Variants in ZBTB41 observed in about 807,000 individuals in gnomAD.
The protein encoded by ZBTB41 is zinc finger and BTB domain-containing protein 41.
ZBTB41 carries 42 observed loss-of-function variants against 87.6 expected under a neutral mutation model. The observed-to-expected ratio is 0.48, with a 90% CI of 0.37 to 0.62. The LOEUF is 0.62. Among genes scored for constraint, ZBTB41 ranks in the 20% least tolerant of loss-of-function variants. The probability of loss-of-function intolerance (pLI) is 0.00; values close to 1 mark genes in which losing one functional copy is unlikely to be tolerated. For synonymous variants in ZBTB41, 364 were observed against 364.0 expected, an observed-to-expected ratio of 1.00 and a Z score of 0.00; for missense variants, 799 against 1,078.9, an observed-to-expected ratio of 0.74 and a Z score of 3.63.
chr1:197,170,742 T>C (rs1659459432), intron 10 of ZBTB41, among the ~76,000 whole-genome samples: 1 of 152,162 alleles, frequency 6.6e-6, no homozygotes, highest in Non-Finnish European at 1.5e-5. Context: ...GCTTCATCTG[T>C]TTACACATTG....
At position 197,199,679 on chromosome 1, in the gene ZBTB41, G is replaced by A; in HGVS notation, c.795C>T (p.Asp265=). 2 of 1,613,506 alleles carry A rather than the reference G, an allele frequency of 1.2e-6. No homozygotes were observed. Among genetic ancestry groups the A allele is most frequent in the Non-Finnish European group, 8.5e-7 (1 of 1,179,952 alleles). The change falls in exon 2 of 11, where the codon GAC becomes GAT. Residue 265 remains aspartate (D), a synonymous_variant. Transcript: ENST00000367405. ...RNRKCPVKFD[D]TSDDEQESGD... ...CACTTTCCTGTTCATCATCGCTGGT[G>A]TCATCAAACTTAACAGGGCACTTCC...
At position 197,178,627 on chromosome 1, in the gene ZBTB41, CTCTT is replaced by C. The variant is rs1659668911; in HGVS notation, c.1677-119_1677-116del. 11 of 593,490 alleles carry C rather than the reference CTCTT, an allele frequency of 1.9e-5. No individual in the cohort carries two copies. The South Asian group carries it at 3.9e-4, about 21-fold the overall frequency. The allele number at this position is 593,490 out of a possible 1,614,324, so 36.8% of individuals were successfully genotyped here. On this transcript the variant is annotated intron_variant, in intron 6 of 10. Coordinates refer to ENST00000367405, the MANE Select transcript of ZBTB41 (RefSeq NM_194314.3). ...TAACTGATATTATGGCAATTCTCTCCTCTTTCTTACAATAATTTTGTTCTTTTCT... is the reference window on the plus strand; with the variant it reads ...TAACTGATATTATGGCAATTCTCTCCTCTTACAATAATTTTGTTCTTTTCT...
intron 8 of ZBTB41, chr1:197,175,847 T>C (rs926879324): frequency 6.6e-6 from 1 of 151,930 alleles, no homozygotes; most frequent in African/African-American, 2.4e-5. Context: ...CTGCAACCTA[T>C]CTCATTGAGA....
At chr1:197,165,325 C>T (rs996840537) in intron 10 of ZBTB41, among the ~76,000 whole-genome samples, 4 of 151,946 alleles carry the variant, frequency 2.6e-5, no homozygotes, top group East Asian at 3.9e-4. Flanking sequence ...AAATGAGGTA[C>T]GGAGCCAGGC....
intron 2 of ZBTB41, among the ~76,000 whole-genome samples, chr1:197,193,081 T>C (rs1336065796): frequency 6.6e-6 from 1 of 152,178 alleles, no homozygotes. Context: ...GCATATCTGA[T>C]ATGCATATAG....
intron 9 of ZBTB41, among the ~76,000 whole-genome samples, chr1:197,174,611 C>G (rs1659557390): frequency 6.6e-6 from 1 of 152,058 alleles, no homozygotes; most frequent in African/African-American, 2.4e-5. Flanking sequence ...TTCAAGATAG[C>G]ACACAGCGCC....
At chr1:197,191,449 C>A in intron 3 of ZBTB41, among the ~76,000 whole-genome samples, 1 of 116,218 alleles carries the variant, frequency 8.6e-6, no homozygotes, top group Non-Finnish European at 1.8e-5. Context: ...ACAGTGAAGC[C>A]CTACTTCAAA....
chr1:197,159,467 T>C lies in ZBTB41; in HGVS notation c.2622A>G (p.Arg874=), dbSNP rs749363831. The stretch of plus-strand genomic sequence containing the variant: ...CTCTAGGATCTAGCATTTGTTCAGG[T>C]CGAACTGGGTGAACTATATTTGCAG... ...PQPANIVHPV[R]PEQMLDPREQ... is the part of the protein sequence containing the mutation. The change falls in exon 11 of 11, where the codon CGA becomes CGG. Residue 874 remains arginine, a synonymous_variant. Transcript: ENST00000367405. 1.9e-6 allele frequency: 3 copies of C among 1,613,810 alleles called. No individual in the cohort carries two copies. The Admixed American group carries it at 5.0e-5, about 27-fold the overall frequency.
chr1:197,159,685 C>T lies in ZBTB41; in HGVS notation c.2404G>A (p.Val802Ile). 6 of 1,614,006 alleles carry T rather than the reference C, an allele frequency of 3.7e-6. No homozygotes were observed. The highest frequency in any genetic ancestry group is 5.1e-6 in the Non-Finnish European group (6 of 1,179,922). The change falls in exon 11 of 11, where the codon GTA becomes ATA. Residue 802 changes from valine to isoleucine, a missense_variant. By Grantham distance (29) the Val-to-Ile change is conservative. Coordinates refer to ENST00000367405, the MANE Select transcript of ZBTB41 (RefSeq NM_194314.3). The stretch of plus-strand genomic sequence containing the variant: ...ACTGGAACACATACTTCAGCAGATA[C>T]ATTCTGTAACATCGTCTTGGCTTCC... ...QSEAKTMLQNVSAEVCVPVTL... is the reference protein window; with the variant it reads ...QSEAKTMLQNISAEVCVPVTL...
intron 10 of ZBTB41, among the ~76,000 whole-genome samples, chr1:197,165,405 C>T (rs931677767): frequency 1.3e-4 from 19 of 151,656 alleles, no homozygotes; most frequent in Non-Finnish European, 1.8e-4. Flanking sequence ...GTCAGGAGAT[C>T]GAGACCATCC....
chr1:197,175,964 C>T (rs1299189415), intron 8 of ZBTB41: 2 of 151,818 alleles, frequency 1.3e-5, no homozygotes, highest in African/African-American at 4.8e-5. Context: ...TGGCTCTTTC[C>T]CATTATTGTG....
chr1:197,175,701 T>G (rs1314214758), intron 8 of ZBTB41, among the ~76,000 whole-genome samples: 1 of 151,474 alleles, frequency 6.6e-6, no homozygotes, highest in Admixed American at 6.6e-5. Context: ...AATTACTGTC[T>G]CAATACCAGT....
intron 9 of ZBTB41, among the ~76,000 whole-genome samples, chr1:197,174,417 C>T (rs909024480): frequency 1.3e-5 from 2 of 151,982 alleles, no homozygotes; most frequent in African/African-American, 4.8e-5. Context: ...CGTGTTAATC[C>T]TATGTACATT....
rs930972977 is a variant in ZBTB41 at position 197,199,471 on chromosome 1, G to A, written c.1003C>T (p.Pro335Ser). Residue 335 changes from proline (P) to serine (S), a missense_variant, in exon 2 of 11, where the codon CCT becomes TCT. Transcript: ENST00000367405. The part of the protein sequence containing the change: ...EKDHNDAEEE[P>S]EAGDSVGNVH... ...TTTCCTACAGAATCACCAGCCTCAG[G>A]TTCTTCTTCTGCATCATTATGATCC... The A allele has an allele frequency of 6.2e-7, 1 of 1,613,114 alleles. No individual in the cohort carries two copies. The highest frequency in any genetic ancestry group is 8.5e-7 in the Non-Finnish European group (1 of 1,179,764).
chr1:197,182,759 T>G (rs1659782186), intron 5 of ZBTB41, among the ~76,000 whole-genome samples: 1 of 152,194 alleles, frequency 6.6e-6, no homozygotes, highest in Non-Finnish European at 1.5e-5. Context: ...GCAGTCATTA[T>G]CAAAATGTGA....
At chr1:197,181,261 TC>T in intron 5 of ZBTB41, 144 bp from the exon 6 acceptor site, 1 of 687,446 alleles carries the variant, frequency 1.5e-6, no homozygotes, top group Non-Finnish European at 2.2e-6. Context: ...GGTTATTTAT[TC>T]CTAGAATAAC....
rs764108473 is a variant in ZBTB41 at position 197,200,021 on chromosome 1, G to C, written c.453C>G (p.Tyr151Ter). The C allele has an allele frequency of 6.2e-7, 1 of 1,613,064 alleles. No individual in the cohort carries two copies. Among genetic ancestry groups the C allele is most frequent in the South Asian group, 1.1e-5 (1 of 90,820 alleles). Residue 151 changes from tyrosine to a stop codon, truncating the protein, a stop_gained, in exon 2 of 11, where the codon TAC becomes TAG. Coordinates refer to ENST00000367405, the MANE Select transcript of ZBTB41 (RefSeq NM_194314.3). LOFTEE classifies it high-confidence loss of function. ...CTAAAACAAGAGGTATTTCATATTT[G>C]TACACAAAAAATTCTGATGTGTAAA... ...EFLYTSEFFVYKYEIPLVLEA... is the reference protein window; with the variant it reads ...EFLYTSEFFV
At chr1:197,194,210 G>A (rs549702550) in intron 2 of ZBTB41, among the ~76,000 whole-genome samples, 153 of 152,060 alleles carry the variant, frequency 1.0e-3, no homozygotes, top group African/African-American at 3.5e-3. Context: ...GTAGACACGG[G>A]TTTCATCATA....
rs12028827 is a variant in ZBTB41 at position 197,158,361 on chromosome 1, A to C, written c.*998T>G. 0.18 allele frequency: 26,852 copies of C among 152,358 alleles called. 3,869 individuals are homozygous for C. The highest frequency in any genetic ancestry group is 0.7 in the East Asian group (3,597 of 5,168). 9.4% of individuals were successfully genotyped at this position (152,358 alleles called of 1,614,324 possible). On this transcript the variant is annotated 3_prime_UTR_variant, in exon 11 of 11. Coordinates refer to ENST00000367405, the MANE Select transcript of ZBTB41 (RefSeq NM_194314.3). ...AAGTTAAATTAGGCACAAATTTCAT[A>C]ATCTGTTTGGCACCTTTTCTAACAA...
Sources: allele counts gnomAD v4.1 joint callset (sites outside exome capture counted in the v4.1 genomes callset), GRCh38; gene constraint gnomAD v4.1.1; transcripts MANE v1.5; gene names NCBI Gene and HGNC (gene_info 2026-07-23, HGNC 2026-07-21).